Variants in KIF26B observed in about 807,000 individuals in gnomAD.
KIF26B encodes kinesin family member 26B, also known as kinesin-like protein KIF26B.
KIF26B carries 63 observed loss-of-function variants against 151.2 expected under a neutral mutation model. The ratio of observed to expected loss-of-function variants is 0.42; its 90% confidence interval spans 0.34 to 0.51. The LOEUF (loss-of-function observed/expected upper bound fraction) is 0.51. Among genes scored for constraint, KIF26B ranks in the 20% least tolerant of loss-of-function variants. The pLI is 0.07. For missense variants in KIF26B, 2,813 were observed against 2,913.6 expected, an observed-to-expected ratio of 0.97 and a Z score of 0.79; for synonymous variants, 1,357 against 1,262.1, an observed-to-expected ratio of 1.08 and a Z score of -1.59.
At chr1:245,497,828 C>T (rs777254886) in intron 4 of KIF26B, among the ~76,000 whole-genome samples, 2 of 152,188 alleles carry the variant, frequency 1.3e-5, no homozygotes, top group Non-Finnish European at 2.9e-5. Context: ...ACTGCAACCT[C>T]CGCCTCCTGG....
At position 245,702,321 on chromosome 1, in the gene KIF26B, G is replaced by A; in HGVS notation, c.6179-137G>A. On this transcript the variant is annotated intron_variant, in intron 14 of 14. Coordinates refer to ENST00000407071, the MANE Select transcript of KIF26B (RefSeq NM_018012.4). The surrounding 1 kb of genome is among the most constrained non-coding windows in gnomAD (Gnocchi z 4.1). ...CGAGAATCAGGCAGGAGGGAACTCTGCAGTGGCCTAAGGCAAGCGAACTAG... is the reference window on the plus strand; with the variant it reads ...CGAGAATCAGGCAGGAGGGAACTCTACAGTGGCCTAAGGCAAGCGAACTAG... 1 of 795,230 alleles carries A rather than the reference G, an allele frequency of 1.3e-6. No homozygotes were observed. Among genetic ancestry groups the A allele is most frequent in the Non-Finnish European group, 2.0e-6 (1 of 493,946 alleles). 49.3% of individuals were successfully genotyped at this position (795,230 alleles called of 1,614,324 possible).
At chr1:245,583,524 G>C (rs114302862) in intron 5 of KIF26B, among the ~76,000 whole-genome samples, 1 of 152,072 alleles carries the variant, frequency 6.6e-6, no homozygotes, top group Admixed American at 6.6e-5. Flanking sequence ...TTATATTCTC[G>C]TTTACTCCAT....
intron 3 of KIF26B, among the ~76,000 whole-genome samples, chr1:245,403,896 C>T (rs1451661987): frequency 1.2e-4 from 19 of 152,166 alleles, no homozygotes; most frequent in Admixed American, 1.2e-3. Flanking sequence ...GTTGTCCATG[C>T]TAACAAGGGC....
At chr1:245,426,353 C>T (rs748193554) in intron 4 of KIF26B, among the ~76,000 whole-genome samples, 1 of 152,024 alleles carries the variant, frequency 6.6e-6, no homozygotes, top group Non-Finnish European at 1.5e-5. Flanking sequence ...CTCCATACAG[C>T]GTCACTCTCA....
intron 2 of KIF26B, among the ~76,000 whole-genome samples, chr1:245,178,488 A>C (rs140774974): frequency 6.6e-6 from 1 of 152,156 alleles, no homozygotes; most frequent in East Asian, 1.9e-4. Context: ...TATAGCATAA[A>C]ATTTCCCATG....
intron 2 of KIF26B, among the ~76,000 whole-genome samples, chr1:245,278,279 G>A (rs1670973740): frequency 6.6e-6 from 1 of 152,066 alleles, no homozygotes; most frequent in African/African-American, 2.4e-5. Flanking sequence ...CAGTCAGCAG[G>A]ACTCATTTCA....
rs530606069 is a variant in KIF26B at position 245,214,695 on chromosome 1, C to T, written c.465+58012C>T. 2.0e-4 allele frequency among the ~76,000 whole-genome samples: 30 copies of T among 152,138 alleles called. No individual in the cohort carries two copies. In the East Asian group the frequency reaches 5.8e-3, roughly 29 times the overall value. On this transcript the variant is annotated intron_variant, in intron 2 of 14. Coordinates refer to ENST00000407071, the MANE Select transcript of KIF26B (RefSeq NM_018012.4). The stretch of plus-strand genomic sequence containing the variant: ...CTCTAGTAAAAATACAAAAAATTAG[C>T]TGGGCTTGGTGGTGCGCACCTGTAA...
intron 2 of KIF26B, among the ~76,000 whole-genome samples, chr1:245,194,374 A>G (rs1317405930): frequency 6.6e-6 from 1 of 152,182 alleles, no homozygotes; most frequent in African/African-American, 2.4e-5. Context: ...TGACACTGCA[A>G]ACAAAACTCT....
intron 3 of KIF26B, among the ~76,000 whole-genome samples, chr1:245,413,649 C>A (rs1674344267): frequency 6.6e-6 from 1 of 152,172 alleles, no homozygotes; most frequent in Non-Finnish European, 1.5e-5. Context: ...GGTGACAGAA[C>A]AAGACTCCAT....
chr1:245,591,176 G>A (rs1310707749), intron 5 of KIF26B, among the ~76,000 whole-genome samples: 3 of 152,138 alleles, frequency 2.0e-5, no homozygotes, highest in African/African-American at 7.2e-5. Context: ...TAATAGTCAC[G>A]TAAGTCCTTC....
At chr1:245,293,203 C>G (rs1379579473) in intron 2 of KIF26B, among the ~76,000 whole-genome samples, 1 of 151,928 alleles carries the variant, frequency 6.6e-6, no homozygotes, top group African/African-American at 2.4e-5. Context: ...CTTGGTTTGT[C>G]TCTTTTGTTT....
chr1:245,254,363 A>G (rs1335695652), intron 2 of KIF26B, among the ~76,000 whole-genome samples: 1 of 152,112 alleles, frequency 6.6e-6, no homozygotes. Flanking sequence ...AACTTTCCAG[A>G]GCAAAAAATT....
intron 9 of KIF26B, among the ~76,000 whole-genome samples, chr1:245,640,554 A>G (rs780053838): frequency 2.6e-4 from 40 of 151,836 alleles, no homozygotes; most frequent in Non-Finnish European, 4.3e-4. Flanking sequence ...CTGCCATTTT[A>G]TTACTTATTT....
chr1:245,583,360 A>G (rs1380355543), intron 5 of KIF26B, among the ~76,000 whole-genome samples: 1 of 152,126 alleles, frequency 6.6e-6, no homozygotes, highest in East Asian at 1.9e-4. Context: ...ACATTTGAAA[A>G]TGAGTTTTTC....
chr1:245,686,915 C>T lies in KIF26B; in HGVS notation c.3932C>T (p.Ala1311Val), dbSNP rs1447970444. Residue 1311 changes from alanine to valine, a missense_variant, in exon 12 of 15, where the codon GCA (alanine) becomes GTA (valine). By Grantham distance (64) the Ala-to-Val change is moderately conservative. This residue lies in a region of KIF26B where 2,060 missense variants were observed against 2,088.6 expected (regional missense o/e 0.99). Transcript: ENST00000407071. This position sits in a 1 kb window ranked among gnomAD's most constrained non-coding sequence, Gnocchi z 5.6. The part of the protein sequence containing the change: ...QTCFGHGEAM[A>V]EPVASEFVSS... ...TGTTTTGGGCACGGGGAGGCAATGG[C>T]AGAACCTGTGGCCTCGGAGTTTGTC... is the stretch of plus-strand genomic sequence containing the variant. 1.9e-6 allele frequency: 3 copies of T among 1,613,306 alleles called. No homozygotes were observed. Among genetic ancestry groups the T allele is most frequent in the Non-Finnish European group, 2.5e-6 (3 of 1,179,736 alleles).
chr1:245,401,760 C>G (rs1674005695), intron 3 of KIF26B, among the ~76,000 whole-genome samples: 1 of 152,176 alleles, frequency 6.6e-6, no homozygotes, highest in Non-Finnish European at 1.5e-5. Flanking sequence ...ATCCCAGCTA[C>G]TCAGGAGGCT....
rs899750299 is a variant in KIF26B at position 245,572,320 on chromosome 1, G to A, written c.1351-30257G>A. ...GAGGTAGACGTGCTTTTGTGTTTCC[G>A]ACACTGAGGACATTGAGGTTCTGGG... On this transcript the variant is annotated intron_variant, in intron 5 of 14. Coordinates refer to ENST00000407071, the MANE Select transcript of KIF26B (RefSeq NM_018012.4). This position sits in a 1 kb window ranked among gnomAD's most constrained non-coding sequence, Gnocchi z 4.2. Among the ~76,000 whole-genome samples, 9 of 152,092 alleles carry A rather than the reference G, an allele frequency of 5.9e-5. No homozygotes were observed. Among genetic ancestry groups the A allele is most frequent in the East Asian group, 1.9e-4 (1 of 5,180 alleles).
At position 245,333,725 on chromosome 1, in the gene KIF26B, T is replaced by C. The variant is rs572069495; in HGVS notation, c.466-33109T>C. ...CTTAAATATCTCCTCAGGCCGGGTGTGGTGGCTCATACCTGTAATCCCAGC... is the reference window on the plus strand; with the variant it reads ...CTTAAATATCTCCTCAGGCCGGGTGCGGTGGCTCATACCTGTAATCCCAGC... On this transcript the variant is annotated intron_variant, in intron 2 of 14. Coordinates refer to ENST00000407071, the MANE Select transcript of KIF26B (RefSeq NM_018012.4). 1.7e-3 allele frequency among the ~76,000 whole-genome samples: 253 copies of C among 152,322 alleles called. 1 individual carries two copies. The highest frequency in any genetic ancestry group is 5.8e-3 in the African/African-American group (242 of 41,574).
At chr1:245,604,459 T>A (rs2043428765) in intron 6 of KIF26B, among the ~76,000 whole-genome samples, 1 of 152,214 alleles carries the variant, frequency 6.6e-6, no homozygotes, top group African/African-American at 2.4e-5. Context: ...TATGAATAAG[T>A]TCTATGGTTT....
Sources: allele counts gnomAD v4.1 joint callset (sites outside exome capture counted in the v4.1 genomes callset), GRCh38; gene constraint gnomAD v4.1.1; regional missense constraint gnomAD v4.1.1; non-coding constraint Gnocchi (gnomAD v3.1); transcripts MANE v1.5; gene names NCBI Gene and HGNC (gene_info 2026-07-23, HGNC 2026-07-21).